Variants in FOXP1 observed in about 807,000 individuals in gnomAD.
The protein encoded by FOXP1 is forkhead box protein P1.
Under a neutral mutation model 98.2 loss-of-function variants are expected in FOXP1, and 15 were observed. The ratio of observed to expected loss-of-function variants is 0.15; its 90% CI spans 0.10 to 0.24. The LOEUF (loss-of-function observed/expected upper bound fraction) is 0.24, where lower values mean the gene tolerates loss of function less well. Ranked by LOEUF, FOXP1 falls within the 10% of genes least tolerant of loss-of-function variation. FOXP1 has a pLI of 1.00. For synonymous variants in FOXP1, 371 were observed against 314.5 expected, an observed-to-expected ratio of 1.18 and a Z score of -1.90; for missense variants, 633 against 848.5, an observed-to-expected ratio of 0.75 and a Z score of 3.15.
intron 11 of FOXP1, among the ~76,000 whole-genome samples, chr3:71,016,641 AATG>A (rs1373544356): frequency 1.4e-5 from 2 of 146,242 alleles, no homozygotes; most frequent in Non-Finnish European, 3.0e-5. Flanking sequence ...AAGCACAATG[AATG>A]ATGATTACAA....
At chr3:71,284,457 G>A (rs898605346) in intron 5 of FOXP1, among the ~76,000 whole-genome samples, 3 of 152,042 alleles carry the variant, frequency 2.0e-5, no homozygotes, top group Admixed American at 1.3e-4. Context: ...TAAGCTACTC[G>A]GGAGCTGATG....
intron 4 of FOXP1, among the ~76,000 whole-genome samples, chr3:71,339,228 A>G (rs986784182): frequency 1.3e-5 from 2 of 152,282 alleles, no homozygotes; most frequent in South Asian, 4.1e-4. Context: ...TTACAACAAC[A>G]CAAGTATCAT....
chr3:71,363,421 C>T (rs2078706786), intron 3 of FOXP1, among the ~76,000 whole-genome samples: 1 of 152,156 alleles, frequency 6.6e-6, no homozygotes, highest in Non-Finnish European at 1.5e-5. Context: ...TATTCCTAAA[C>T]TTACTCACTC....
chr3:71,221,959 C>T (rs963515101), intron 5 of FOXP1, among the ~76,000 whole-genome samples: 4 of 152,188 alleles, frequency 2.6e-5, no homozygotes, highest in Non-Finnish European at 5.9e-5. Flanking sequence ...TCGAGACCAT[C>T]CTGGCCAACA....
intron 6 of FOXP1, among the ~76,000 whole-genome samples, chr3:71,194,896 T>C (rs2063210352): frequency 6.6e-6 from 1 of 152,204 alleles, no homozygotes; most frequent in African/African-American, 2.4e-5. Context: ...TGTGAGTGTG[T>C]TGGCGGGCTC....
chr3:71,336,221 T>A (rs1223132992), intron 4 of FOXP1, among the ~76,000 whole-genome samples: 2 of 151,660 alleles, frequency 1.3e-5, no homozygotes, highest in Non-Finnish European at 2.9e-5. Context: ...TCTACTAACA[T>A]GTTTAAATTT....
At chr3:71,001,645 G>A (rs1486547137) in intron 12 of FOXP1, among the ~76,000 whole-genome samples, 1 of 152,148 alleles carries the variant, frequency 6.6e-6, no homozygotes, top group Non-Finnish European at 1.5e-5. Context: ...ACTCTGCCTG[G>A]GTTCTTGATT....
In FOXP1 at chr3:71,417,308, T is replaced by G. The variant is rs1402495608; in HGVS notation, c.-167-58064A>C. On this transcript the variant is annotated intron_variant, in intron 3 of 20. Transcript: ENST00000649528. ...GTTTATTCCGGCATCTGTTTCGCAT[T>G]GGCTATATTCCATGGTTATTGATTT... Among the ~76,000 whole-genome samples, 5 of 152,238 alleles carry G rather than the reference T, an allele frequency of 3.3e-5. No individual in the cohort carries two copies. The East Asian group carries it at 7.7e-4, about 23-fold the overall frequency.
intron 3 of FOXP1, among the ~76,000 whole-genome samples, chr3:71,381,827 C>T (rs1177724624): frequency 6.6e-6 from 1 of 152,134 alleles, no homozygotes; most frequent in African/African-American, 2.4e-5. Flanking sequence ...TCAGATTCTA[C>T]CAACACTTAT....
At chr3:71,355,770 T>A (rs1225371695) in intron 4 of FOXP1, among the ~76,000 whole-genome samples, 2 of 152,144 alleles carry the variant, frequency 1.3e-5, no homozygotes. Context: ...TTCTGTGATA[T>A]GGTGTCAATG....
intron 7 of FOXP1, among the ~76,000 whole-genome samples, chr3:71,094,849 C>T (rs1239442030): frequency 1.3e-5 from 2 of 152,216 alleles, no homozygotes; most frequent in Non-Finnish European, 2.9e-5. Context: ...TGGTCACCAT[C>T]AGCTGAGCAG....
intron 5 of FOXP1, among the ~76,000 whole-genome samples, chr3:71,229,327 A>T (rs182163014): frequency 2.6e-5 from 4 of 152,374 alleles, no homozygotes; most frequent in Admixed American, 6.5e-5. Flanking sequence ...TTTAAAAAAT[A>T]GCCTAATCAT....
In FOXP1 at chr3:70,977,004, A is replaced by G; in HGVS notation, c.1467T>C (p.Asn489=). The G allele has an allele frequency of 6.2e-7, 1 of 1,602,592 alleles. No homozygotes were observed. Among genetic ancestry groups the G allele is most frequent in the Non-Finnish European group, 8.5e-7 (1 of 1,169,592 alleles). ...LESPEKQLTL[N]EIYNWFTRMF... Reference sequence around the variant, plus strand: ...TTCGTGTGAACCAGTTATAGATCTCATTTAGTGTTAGCTGCTTTTCTGGAG... The same window carrying G: ...TTCGTGTGAACCAGTTATAGATCTCGTTTAGTGTTAGCTGCTTTTCTGGAG... The change falls in exon 17 of 21, where the codon AAT becomes AAC. Residue 489 remains asparagine, a synonymous_variant. Coordinates refer to ENST00000649528, the MANE Select transcript of FOXP1 (RefSeq NM_001349338.3).
intron 5 of FOXP1, among the ~76,000 whole-genome samples, chr3:71,281,049 A>C (rs2071492832): frequency 6.7e-6 from 1 of 150,342 alleles, no homozygotes; most frequent in Admixed American, 6.6e-5. Context: ...CAAAAAAAAA[A>C]AAAAAAAAAA....
At chr3:71,381,624 T>C (rs2080187423) in intron 3 of FOXP1, among the ~76,000 whole-genome samples, 2 of 151,928 alleles carry the variant, frequency 1.3e-5, no homozygotes, top group South Asian at 2.1e-4. Flanking sequence ...TTCTATTTTT[T>C]GTAGAGACGG....
At chr3:71,399,162 G>GT (rs1293869749) in intron 3 of FOXP1, among the ~76,000 whole-genome samples, 2 of 152,128 alleles carry the variant, frequency 1.3e-5, no homozygotes, top group Non-Finnish European at 2.9e-5. Context: ...ACAACCATAC[G>GT]TGTGTCTATG....
intron 3 of FOXP1, among the ~76,000 whole-genome samples, chr3:71,420,479 T>C (rs891547957): frequency 6.6e-6 from 1 of 152,132 alleles, no homozygotes; most frequent in Non-Finnish European, 1.5e-5. Context: ...GCATCCCAAA[T>C]GTTCCTATCA....
At chr3:71,101,417 G>A (rs2056946763) in intron 7 of FOXP1, among the ~76,000 whole-genome samples, 2 of 152,256 alleles carry the variant, frequency 1.3e-5, no homozygotes, top group South Asian at 4.1e-4. Context: ...GGGGGAAAGA[G>A]TGAACTTGGG....
chr3:71,312,431 C>T (rs2107626925), intron 4 of FOXP1, among the ~76,000 whole-genome samples: 1 of 152,310 alleles, frequency 6.6e-6, no homozygotes, highest in African/African-American at 2.4e-5. Flanking sequence ...TTCAAGCTCC[C>T]CTTGGAAGGA....
Sources: allele counts gnomAD v4.1 joint callset (sites outside exome capture counted in the v4.1 genomes callset), GRCh38; gene constraint gnomAD v4.1.1; transcripts MANE v1.5; gene names NCBI Gene and HGNC (gene_info 2026-07-23, HGNC 2026-07-21).